The following CDKAL1 variants were observed in gnomAD, a reference collection of about 807,000 sequenced individuals.
The protein encoded by CDKAL1 is CDKAL1 threonylcarbamoyladenosine tRNA methylthiotransferase, also known as threonylcarbamoyladenosine tRNA methylthiotransferase.
In CDKAL1, 32 loss-of-function variants were observed where a neutral mutation model predicts 68.2. That is an observed-to-expected ratio of 0.47 (90% confidence interval 0.35 to 0.63). The LOEUF (loss-of-function observed/expected upper bound fraction) is 0.63. Ranked by LOEUF, CDKAL1 falls within the 30% of genes least tolerant of loss-of-function variation. The probability of loss-of-function intolerance (pLI) is 0.00; values close to 1 mark genes in which losing one functional copy is unlikely to be tolerated. For missense variants in CDKAL1, 606 were observed against 696.7 expected, an observed-to-expected ratio of 0.87 and a Z score of 1.47; for synonymous variants, 234 against 244.3, an observed-to-expected ratio of 0.96 and a Z score of 0.39.
At position 20,546,429 on chromosome 6, in the gene CDKAL1, A is replaced by G; in HGVS notation, c.79A>G (p.Arg27Gly). ...VSQEDSKPQD[R>G]HFVRKDVVPK... ...TCAGGAAGATTCAAAACCACAAGAT[A>G]GGCATTTTGTAAGAAAGGATGTTGT... is the stretch of plus-strand genomic sequence containing the variant. The change falls in exon 3 of 16, where the codon AGG becomes GGG. Residue 27 changes from arginine to glycine, a missense_variant. Coordinates refer to ENST00000274695, the MANE Select transcript of CDKAL1 (RefSeq NM_017774.3). The G allele has an allele frequency of 6.2e-7, 1 of 1,613,734 alleles. No individual in the cohort carries two copies. The highest frequency in any genetic ancestry group is 8.5e-7 in the Non-Finnish European group (1 of 1,179,584).
intron 13 of CDKAL1, among the ~76,000 whole-genome samples, chr6:21,153,929 G>A (rs922176129): frequency 9.2e-5 from 14 of 152,134 alleles, no homozygotes; most frequent in African/African-American, 3.4e-4. Context: ...GGGGAAATTA[G>A]AGCCAATCTA....
At chr6:21,078,684 G>T (rs1772210400) in intron 12 of CDKAL1, among the ~76,000 whole-genome samples, 1 of 152,106 alleles carries the variant, frequency 6.6e-6, no homozygotes, top group African/African-American at 2.4e-5. Context: ...CCCTGCCTCA[G>T]ATTCCTTCCT....
intron 5 of CDKAL1, among the ~76,000 whole-genome samples, chr6:20,672,782 A>T (rs1433995604): frequency 2.0e-5 from 3 of 152,018 alleles, no homozygotes; most frequent in East Asian, 1.9e-4. Context: ...TTAGAAATTA[A>T]TTTTTTTCTT....
At chr6:21,164,552 C>A (rs2151067900) in intron 13 of CDKAL1, among the ~76,000 whole-genome samples, 1 of 150,556 alleles carries the variant, frequency 6.6e-6, no homozygotes, top group East Asian at 1.9e-4. Context: ...TGTCCTGGAA[C>A]TAAATTGGCT....
At chr6:21,199,439 C>A (rs1778600634) in intron 14 of CDKAL1, among the ~76,000 whole-genome samples, 1 of 152,328 alleles carries the variant, frequency 6.6e-6, no homozygotes, top group South Asian at 2.1e-4. Context: ...CCCCAGAGGG[C>A]CATTTTCCTA....
intron 4 of CDKAL1, among the ~76,000 whole-genome samples, chr6:20,638,208 A>T (rs188857606): frequency 3.3e-4 from 50 of 152,368 alleles, no homozygotes; most frequent in Middle Eastern, 3.4e-3. Context: ...ATAGTGTGCT[A>T]TCAAACTTTT....
intron 13 of CDKAL1, among the ~76,000 whole-genome samples, chr6:21,145,741 A>G (rs1384220735): frequency 6.6e-6 from 1 of 152,190 alleles, no homozygotes; most frequent in Non-Finnish European, 1.5e-5. Context: ...TCTCTACAAA[A>G]TATCAAAAAT....
chr6:20,769,306 T>G (rs1774836638), intron 7 of CDKAL1, among the ~76,000 whole-genome samples: 1 of 139,646 alleles, frequency 7.2e-6, no homozygotes, highest in Non-Finnish European at 1.5e-5. Flanking sequence ...TCGCCCAGGC[T>G]GGAGTGCAGT....
intron 4 of CDKAL1, 30 bp downstream of exon 4, chr6:20,548,735 T>G: frequency 9.7e-7 from 1 of 1,033,770 alleles, no homozygotes; most frequent in South Asian, 1.5e-5. Context: ...ATTTTATTGA[T>G]TAAATTTTTC....
intron 11 of CDKAL1, among the ~76,000 whole-genome samples, chr6:21,061,206 T>G (rs1281978933): frequency 6.6e-6 from 1 of 152,144 alleles, no homozygotes; most frequent in Non-Finnish European, 1.5e-5. Flanking sequence ...ATAGCACTGC[T>G]TCTGACAAGG....
chr6:20,961,652 A>T (rs1765062856), intron 10 of CDKAL1, among the ~76,000 whole-genome samples: 1 of 151,984 alleles, frequency 6.6e-6, no homozygotes, highest in Admixed American at 6.6e-5. Context: ...CTGTAGTCTC[A>T]GCTACTCTGG....
chr6:21,226,786 C>G (rs1325114833), intron 15 of CDKAL1, among the ~76,000 whole-genome samples: 1 of 152,210 alleles, frequency 6.6e-6, no homozygotes, highest in Non-Finnish European at 1.5e-5. Flanking sequence ...GATCTCGGCT[C>G]ACTGCAAGCT....
chr6:20,875,809 T>C (rs1031186510), intron 9 of CDKAL1, among the ~76,000 whole-genome samples: 13 of 152,356 alleles, frequency 8.5e-5, no homozygotes, highest in Admixed American at 2.0e-4. Context: ...ATAATAGATC[T>C]ATTTGAAACA....
At chr6:20,754,338 G>A (rs1774075728) in intron 6 of CDKAL1, among the ~76,000 whole-genome samples, 1 of 152,064 alleles carries the variant, frequency 6.6e-6, no homozygotes, top group Admixed American at 6.6e-5. Context: ...ATCTCATTGT[G>A]TTTTTTCAGT....
chr6:20,556,348 A>G (rs1481067747), intron 4 of CDKAL1, among the ~76,000 whole-genome samples: 1 of 151,824 alleles, frequency 6.6e-6, no homozygotes, highest in Non-Finnish European at 1.5e-5. Flanking sequence ...TTGGGTAACA[A>G]GACTGAAACT....
At chr6:20,991,836 C>T (rs1766824673) in intron 10 of CDKAL1, among the ~76,000 whole-genome samples, 1 of 147,526 alleles carries the variant, frequency 6.8e-6, no homozygotes, top group Non-Finnish European at 1.5e-5. Context: ...GGCAACATAG[C>T]GAGACCCTGT....
intron 6 of CDKAL1, among the ~76,000 whole-genome samples, chr6:20,749,670 C>T (rs56251119): frequency 0.078 from 11,796 of 151,878 alleles, 768 homozygotes; most frequent in East Asian, 0.34. Context: ...GCCTCAGCCT[C>T]CCAAGTAGCT....
At chr6:20,789,354 A>G (rs557225152) in intron 8 of CDKAL1, among the ~76,000 whole-genome samples, 20 of 152,336 alleles carry the variant, frequency 1.3e-4, no homozygotes, top group African/African-American at 4.3e-4. Context: ...GGATGGCACT[A>G]TAGGCTCATA....
At position 20,649,331 on chromosome 6, in the gene CDKAL1, T is replaced by G. The variant is rs765293669; in HGVS notation, c.325T>G (p.Cys109Gly). ...TGCAGATTTATGGCTCCTGAACAGT[T>G]GCACTGTAAAAAACCCAGCTGAAGA... ...SDADLWLLNS[C>G]TVKNPAEDHF... The change falls in exon 5 of 16, where the codon TGC becomes GGC. Residue 109 changes from cysteine to glycine, a missense_variant. Transcript: ENST00000274695. 1 of 1,608,304 alleles carries G rather than the reference T, an allele frequency of 6.2e-7. No individual in the cohort carries two copies. The highest frequency in any genetic ancestry group is 2.2e-5 in the East Asian group (1 of 44,666).
Sources: gnomAD v4.1 joint callset for allele counts (sites outside exome capture counted in the v4.1 genomes callset) on GRCh38, gnomAD v4.1.1 for gene constraint, MANE v1.5 for transcripts, NCBI Gene and HGNC (gene_info 2026-07-23, HGNC 2026-07-21) for gene names.